The following GABRG1 variants were observed in gnomAD, a reference collection of about 807,000 sequenced individuals.
GABRG1 encodes the protein gamma-aminobutyric acid type A receptor subunit gamma1.
A neutral mutation model predicts 49.8 loss-of-function variants in GABRG1; 49 were observed. The ratio of observed to expected loss-of-function variants is 0.98; its 90% CI spans 0.78 to 1.25. The LOEUF (loss-of-function observed/expected upper bound fraction) is 1.25, where lower values mean the gene tolerates loss of function less well. GABRG1 is among the 50% of genes most tolerant of loss of function. The pLI, the probability that GABRG1 is intolerant of heterozygous loss-of-function variation, is 0.00. For synonymous variants in GABRG1, 232 were observed against 185.1 expected, an observed-to-expected ratio of 1.25 and a Z score of -2.06; for missense variants, 552 against 552.3, an observed-to-expected ratio of 1.00 and a Z score of 0.01.
intron 2 of GABRG1, among the ~76,000 whole-genome samples, chr4:46,095,815 T>A (rs916327087): frequency 1.1e-4 from 16 of 152,024 alleles, no homozygotes; most frequent in African/African-American, 2.2e-4. Context: ...AGAATTTTTT[T>A]AATTAGTATT....
At position 46,064,437 on chromosome 4, in the gene GABRG1, T is replaced by G; in HGVS notation, c.625+4A>C. 3 of 1,480,694 alleles carry G rather than the reference T, an allele frequency of 2.0e-6. No homozygotes were observed. The highest frequency in any genetic ancestry group is 2.7e-6 in the Non-Finnish European group (3 of 1,098,144). The allele number at this position is 1,480,694 out of a possible 1,614,324, so 91.7% of individuals were successfully genotyped here. On this transcript the variant is annotated splice_donor_region_variant and intron_variant, in intron 5 of 8. Transcript: ENST00000295452. ...ATGAAATTATCAAGTGTTTTGTTACTTACAGCTTGAAAATTCCAGTGGACA... is the reference window on the plus strand; with the variant it reads ...ATGAAATTATCAAGTGTTTTGTTACGTACAGCTTGAAAATTCCAGTGGACA...
At chr4:46,078,160 TA>T (rs1319546635) in intron 3 of GABRG1, among the ~76,000 whole-genome samples, 3 of 151,702 alleles carry the variant, frequency 2.0e-5, no homozygotes, top group African/African-American at 7.3e-5. Flanking sequence ...ACCAAGAAAA[TA>T]AACTTATAAT....
rs1717734338 is a variant in GABRG1, at chr4:46,040,645, T to C, written c.*343A>G. On this transcript the variant is annotated 3_prime_UTR_variant, in exon 9 of 9. Transcript: ENST00000295452. Reference sequence around the variant, plus strand: ...TACATTACAAAACAATTATAGATTATATTTAAACAAAATATGTATTAAAAT... The same window carrying C: ...TACATTACAAAACAATTATAGATTACATTTAAACAAAATATGTATTAAAAT... 1 of 159,774 alleles carries C rather than the reference T, an allele frequency of 6.3e-6. No homozygotes were observed. The highest frequency in any genetic ancestry group is 2.0e-4 in the South Asian group (1 of 5,104). The allele number at this position is 159,774 out of a possible 1,614,324, so 9.9% of individuals were successfully genotyped here.
At position 46,036,747 on chromosome 4, in the gene GABRG1, A is replaced by G. The variant is rs1361710490; in HGVS notation, c.*4241T>C. The G allele has an allele frequency of 6.6e-6, 1 of 152,016 alleles. No homozygotes were observed. The highest frequency in any genetic ancestry group is 1.5e-5 in the Non-Finnish European group (1 of 67,906). The allele number at this position is 152,016 out of a possible 1,614,324, so 9.4% of individuals were successfully genotyped here. On this transcript the variant is annotated 3_prime_UTR_variant, in exon 9 of 9. Coordinates refer to ENST00000295452, the MANE Select transcript of GABRG1 (RefSeq NM_173536.4). Reference sequence around the variant, plus strand: ...AGCTTATACGCCTAACTGGCTTGTTATATTCCAAACCATCACACACAAATA... The same window carrying G: ...AGCTTATACGCCTAACTGGCTTGTTGTATTCCAAACCATCACACACAAATA...
At chr4:46,042,709 A>G (rs566663682) in intron 8 of GABRG1, among the ~76,000 whole-genome samples, 2 of 152,144 alleles carry the variant, frequency 1.3e-5, no homozygotes, top group African/African-American at 4.8e-5. Context: ...CATAGATTCC[A>G]AGTCACCAAA....
At chr4:46,057,076 A>G (rs893206051) in intron 7 of GABRG1, among the ~76,000 whole-genome samples, 2 of 152,150 alleles carry the variant, frequency 1.3e-5, no homozygotes, top group South Asian at 2.1e-4. Flanking sequence ...AATAGAAACA[A>G]AAATACTATG....
At chr4:46,061,008 A>T (rs2109404825) in intron 5 of GABRG1, among the ~76,000 whole-genome samples, 1 of 152,284 alleles carries the variant, frequency 6.6e-6, no homozygotes, top group Non-Finnish European at 1.5e-5. Flanking sequence ...CCTGAAAAAA[A>T]TTAGCTATGA....
intron 8 of GABRG1, among the ~76,000 whole-genome samples, chr4:46,050,244 A>G (rs924210571): frequency 1.3e-5 from 2 of 151,954 alleles, no homozygotes; most frequent in African/African-American, 4.8e-5. Flanking sequence ...CTACAATGCA[A>G]GTTATCAAAT....
rs150771858 is a variant in GABRG1 at position 46,112,368 on chromosome 4, G to T, written c.104+11442C>A. Among the ~76,000 whole-genome samples the T allele has an allele frequency of 7.1e-3, 1,082 of 151,428 alleles. 17 individuals are homozygous for T. Among genetic ancestry groups the T allele is most frequent in the African/African-American group, 0.025 (1,033 of 41,440 alleles). On this transcript the variant is annotated intron_variant, in intron 1 of 8. Transcript: ENST00000295452. ...GACTAGGCTGTGGAGAAAAGGAAATGCTTATACACTGTTGATGAGAATGCA... is the reference window on the plus strand; with the variant it reads ...GACTAGGCTGTGGAGAAAAGGAAATTCTTATACACTGTTGATGAGAATGCA...
At chr4:46,065,333 G>C (rs1560355953) in intron 4 of GABRG1, 31 bp downstream of exon 4, 3 of 1,382,346 alleles carry the variant, frequency 2.2e-6, no homozygotes, top group Non-Finnish European at 3.0e-6. Context: ...AAATAAATGA[G>C]AGCAACTACA....
At chr4:46,073,492 T>C (rs1192868517) in intron 3 of GABRG1, among the ~76,000 whole-genome samples, 1 of 152,090 alleles carries the variant, frequency 6.6e-6, no homozygotes, top group African/African-American at 2.4e-5. Flanking sequence ...CTTACCTTTC[T>C]TTTATCTTGT....
At chr4:46,099,887 A>G (rs61559936) in intron 1 of GABRG1, among the ~76,000 whole-genome samples, 2,704 of 151,726 alleles carry the variant, frequency 0.018, 85 homozygotes, top group African/African-American at 0.062. Flanking sequence ...TAACACTGCT[A>G]CTCTGGTAGA....
intron 3 of GABRG1, among the ~76,000 whole-genome samples, chr4:46,071,307 A>G (rs886894127): frequency 6.6e-6 from 1 of 151,702 alleles, no homozygotes; most frequent in African/African-American, 2.4e-5. Context: ...ACACACACAG[A>G]CACAACAAAT....
Position 46,123,959 on chromosome 4 carries a change from C to A in GABRG1, c.-46G>T, listed in dbSNP as rs985109842. On this transcript the variant is annotated 5_prime_UTR_variant, in exon 1 of 9. Coordinates refer to ENST00000295452, the MANE Select transcript of GABRG1 (RefSeq NM_173536.4). ...TGCTGCACTAGCTCAATTCTCCCAG[C>A]CAGGACTTTTCCTCCCACCTCAGCA... The A allele has an allele frequency of 3.4e-6, 5 of 1,468,824 alleles. No homozygotes were observed. The Admixed American group carries it at 5.1e-5, about 15-fold the overall frequency. The allele number at this position is 1,468,824 out of a possible 1,614,324, so 91.0% of individuals were successfully genotyped here. A position where few individuals can be genotyped will look rare whatever the true frequency, so the allele number is the denominator to read the frequency against.
chr4:46,097,141 A>G (rs1056988726), intron 2 of GABRG1, 60 bp downstream of exon 2: 4 of 1,340,810 alleles, frequency 3.0e-6, no homozygotes, highest in Non-Finnish European at 4.0e-6. Context: ...TGATTAAAAT[A>G]GTACCAGTAA....
intron 2 of GABRG1, among the ~76,000 whole-genome samples, chr4:46,088,815 T>TGTGTGTGTGTGTG (rs35197192): frequency 4.2e-4 from 55 of 131,680 alleles, no homozygotes; most frequent in East Asian, 2.1e-3. Context: ...TTGTGTGTGT[T>TGTGTGTGTGTGTG]TGTGTGTGTG....
At position 46,039,993 on chromosome 4, in the gene GABRG1, A is replaced by T. The variant is rs1012210381; in HGVS notation, c.*995T>A. 1.3e-5 allele frequency: 2 copies of T among 151,910 alleles called. No individual in the cohort carries two copies. Among genetic ancestry groups the T allele is most frequent in the Non-Finnish European group, 2.9e-5 (2 of 67,862 alleles). The allele number at this position is 151,910 out of a possible 1,614,324, so 9.4% of individuals were successfully genotyped here. A position where few individuals can be genotyped will look rare whatever the true frequency, so the allele number is the denominator to read the frequency against. On this transcript the variant is annotated 3_prime_UTR_variant, in exon 9 of 9. Coordinates refer to ENST00000295452, the MANE Select transcript of GABRG1 (RefSeq NM_173536.4). ...TATTACTAGTCTAAAAACAATGCTA[A>T]TAGCACATATTTAAGATTTTGTCCT... is the stretch of plus-strand genomic sequence containing the variant.
At chr4:46,091,250 G>T (rs914313409) in intron 2 of GABRG1, among the ~76,000 whole-genome samples, 2 of 151,960 alleles carry the variant, frequency 1.3e-5, no homozygotes, top group Non-Finnish European at 2.9e-5. Context: ...AGGAAATTAC[G>T]CTAGTTCTGA....
At chr4:46,042,266 A>G (rs1000221378) in intron 8 of GABRG1, among the ~76,000 whole-genome samples, 9 of 151,996 alleles carry the variant, frequency 5.9e-5, no homozygotes, top group South Asian at 2.1e-4. Context: ...TCATGCTAAG[A>G]TAAACATACA....
Sources: gnomAD v4.1 joint callset for allele counts (sites outside exome capture counted in the v4.1 genomes callset) on GRCh38, gnomAD v4.1.1 for gene constraint, MANE v1.5 for transcripts, NCBI Gene and HGNC (gene_info 2026-07-23, HGNC 2026-07-21) for gene names.